The following SNTG1 variants were observed in gnomAD, a reference collection of about 807,000 sequenced individuals.
The protein encoded by SNTG1 is gamma-1-syntrophin.
SNTG1 carries 39 observed loss-of-function variants against 74.7 expected under a neutral mutation model. The observed-to-expected ratio is 0.52, with a 90% CI of 0.40 to 0.68. SNTG1 has a LOEUF of 0.68. Ranked by LOEUF, SNTG1 falls within the 30% of genes least tolerant of loss-of-function variation. SNTG1 has a pLI of 0.00. For synonymous variants in SNTG1, 254 were observed against 217.1 expected (o/e 1.17, Z -1.49); for missense variants, 685 against 609.5 (o/e 1.12, Z -1.30).
rs112098688 is a variant in SNTG1, at chr8:50,041,946, C to T, written c.-103+129715C>T. Among the ~76,000 whole-genome samples the T allele has an allele frequency of 9.8e-4, 150 of 152,304 alleles. 1 individual carries two copies. Among genetic ancestry groups the T allele is most frequent in the African/African-American group, 3.4e-3 (140 of 41,568 alleles). On this transcript the variant is annotated intron_variant, in intron 1 of 18. Transcript: ENST00000642720. ...TTTCATACTCCACACTTTTGAATAT[C>T]TCTATCTTGTCTTATATAGATGTTC...
chr8:50,065,745 T>G (rs1379350524), intron 1 of SNTG1, among the ~76,000 whole-genome samples: 3 of 152,192 alleles, frequency 2.0e-5, no homozygotes, highest in East Asian at 1.9e-4. Context: ...AATATGCTGT[T>G]TAACCAATAT....
intron 1 of SNTG1, among the ~76,000 whole-genome samples, chr8:50,171,737 A>T (rs2082814885): frequency 6.6e-6 from 1 of 152,178 alleles, no homozygotes; most frequent in African/African-American, 2.4e-5. Flanking sequence ...GGAGCTTCTT[A>T]AAAATGCATA....
intron 1 of SNTG1, among the ~76,000 whole-genome samples, chr8:50,127,506 A>C (rs1156259277): frequency 6.6e-6 from 1 of 152,082 alleles, no homozygotes; most frequent in Admixed American, 6.6e-5. Context: ...AGGGACTGGA[A>C]CAGAAGTCTC....
At chr8:50,341,366 T>C (rs969843037) in intron 2 of SNTG1, among the ~76,000 whole-genome samples, 3 of 151,888 alleles carry the variant, frequency 2.0e-5, no homozygotes, top group Non-Finnish European at 2.9e-5. Flanking sequence ...TGGTACTTTT[T>C]CCCCCATCTG....
intron 2 of SNTG1, among the ~76,000 whole-genome samples, chr8:50,343,389 G>T (rs1294617958): frequency 6.6e-6 from 1 of 152,120 alleles, no homozygotes. Context: ...GTATTTTAAG[G>T]CTGGAATCCT....
At chr8:50,592,654 A>G (rs910066941) in intron 13 of SNTG1, among the ~76,000 whole-genome samples, 4 of 152,246 alleles carry the variant, frequency 2.6e-5, no homozygotes, top group Non-Finnish European at 5.9e-5. Context: ...ATATGTAAGC[A>G]TAGATGTTCA....
intron 2 of SNTG1, among the ~76,000 whole-genome samples, chr8:50,179,708 G>T (rs1482943534): frequency 6.6e-6 from 1 of 152,118 alleles, no homozygotes; most frequent in Non-Finnish European, 1.5e-5. Flanking sequence ...TCAGGAAAAT[G>T]CAAATCAAAA....
intron 4 of SNTG1, among the ~76,000 whole-genome samples, chr8:50,423,704 G>T (rs1269928007): frequency 1.3e-5 from 2 of 152,142 alleles, no homozygotes; most frequent in African/African-American, 4.8e-5. Context: ...TACATGAAAT[G>T]ACTCTCAGCT....
chr8:50,308,961 T>C (rs1008573976), intron 2 of SNTG1, among the ~76,000 whole-genome samples: 1 of 143,754 alleles, frequency 7.0e-6, no homozygotes, highest in Non-Finnish European at 1.5e-5. Flanking sequence ...TAGGAAGCAA[T>C]AGTTTTGATC....
intron 1 of SNTG1, among the ~76,000 whole-genome samples, chr8:50,071,603 C>G (rs925298765): frequency 6.6e-6 from 1 of 152,018 alleles, no homozygotes; most frequent in African/African-American, 2.4e-5. Flanking sequence ...CTCGGCCTCA[C>G]GAGTAGCTGG....
intron 2 of SNTG1, among the ~76,000 whole-genome samples, chr8:50,361,326 C>T (rs190321945): frequency 1.4e-4 from 21 of 152,224 alleles, no homozygotes; most frequent in Admixed American, 1.2e-3. Flanking sequence ...CTTCTGAATA[C>T]CTCTGGAAGG....
At chr8:50,278,552 T>A (rs1243158913) in intron 2 of SNTG1, among the ~76,000 whole-genome samples, 2 of 152,284 alleles carry the variant, frequency 1.3e-5, no homozygotes, top group East Asian at 3.9e-4. Context: ...TAGTTAAATG[T>A]TTAGGCTGTT....
chr8:50,412,190 C>T (rs892650157), intron 4 of SNTG1, among the ~76,000 whole-genome samples: 2 of 151,930 alleles, frequency 1.3e-5, no homozygotes, highest in Admixed American at 6.6e-5. Flanking sequence ...TTGTTAAATC[C>T]ACTTGTTATT....
At chr8:50,590,809 A>T (rs747744473) in intron 12 of SNTG1, 70 bp from the exon 13 acceptor site, 7 of 993,286 alleles carry the variant, frequency 7.0e-6, no homozygotes, top group Non-Finnish European at 1.1e-5. Flanking sequence ...AATAATCTGC[A>T]TAAAATTCTG....
intron 1 of SNTG1, among the ~76,000 whole-genome samples, chr8:50,094,695 C>T (rs1173445789): frequency 6.6e-6 from 1 of 152,012 alleles, no homozygotes; most frequent in Non-Finnish European, 1.5e-5. Context: ...ATACATGTTG[C>T]AGAGACAAGG....
chr8:50,772,982 C>T (rs2095631146), intron 18 of SNTG1, among the ~76,000 whole-genome samples: 1 of 152,112 alleles, frequency 6.6e-6, no homozygotes, highest in African/African-American at 2.4e-5. Context: ...GAAACCTTCA[C>T]CAGATGCAGC....
At chr8:50,589,116 G>A (rs978836302) in intron 12 of SNTG1, among the ~76,000 whole-genome samples, 7 of 151,848 alleles carry the variant, frequency 4.6e-5, no homozygotes, top group Admixed American at 1.3e-4. Flanking sequence ...TTTTTGAGCC[G>A]TGGTAGGAAA....
chr8:50,090,271 G>T (rs1193678018), intron 1 of SNTG1, among the ~76,000 whole-genome samples: 1 of 152,136 alleles, frequency 6.6e-6, no homozygotes, highest in African/African-American at 2.4e-5. Context: ...AGGGGAATTG[G>T]TTGGCTCACG....
At chr8:50,417,148 C>T (rs567933964) in intron 4 of SNTG1, among the ~76,000 whole-genome samples, 4 of 152,108 alleles carry the variant, frequency 2.6e-5, no homozygotes, top group East Asian at 1.9e-4. Context: ...CAGTTTGAAC[C>T]GCCATGATAT....
Sources: gnomAD v4.1 joint callset for allele counts (sites outside exome capture counted in the v4.1 genomes callset) on GRCh38, gnomAD v4.1.1 for gene constraint, MANE v1.5 for transcripts, NCBI Gene and HGNC (gene_info 2026-07-23, HGNC 2026-07-21) for gene names.